SLC4A7: variants seen among roughly 807,000 people sequenced by gnomAD.
SLC4A7 encodes the protein sodium bicarbonate cotransporter 3.
SLC4A7 carries 51 observed loss-of-function variants against 137.6 expected under a neutral mutation model. The observed-to-expected ratio is 0.37, with a 90% CI of 0.30 to 0.47. The LOEUF (loss-of-function observed/expected upper bound fraction) is 0.47, where lower values mean the gene tolerates loss of function less well. Ranked by LOEUF, SLC4A7 falls within the 20% of genes least tolerant of loss-of-function variation. The probability of loss-of-function intolerance (pLI) is 1.00; values close to 1 mark genes in which losing one functional copy is unlikely to be tolerated. For missense variants in SLC4A7, 1,247 were observed against 1,525.4 expected, an observed-to-expected ratio of 0.82 and a Z score of 3.04; for synonymous variants, 542 against 518.6, an observed-to-expected ratio of 1.05 and a Z score of -0.61.
At chr3:27,418,397 T>G in intron 11 of SLC4A7, 89 bp downstream of exon 11, 1 of 1,017,452 alleles carries the variant, frequency 9.8e-7, no homozygotes, top group Non-Finnish European at 1.5e-6. Flanking sequence ...GGGATAAAAC[T>G]TCTCTGTTTT....
intron 16 of SLC4A7, among the ~76,000 whole-genome samples, chr3:27,399,706 T>A (rs1426932428): frequency 1.3e-5 from 2 of 152,164 alleles, no homozygotes; most frequent in African/African-American, 4.8e-5. Context: ...TGCTATGGTG[T>A]GAACCACCAT....
intron 1 of SLC4A7, among the ~76,000 whole-genome samples, chr3:27,473,817 C>T (rs1532322): frequency 0.15 from 23,089 of 149,746 alleles, 1,950 homozygotes; most frequent in South Asian, 0.27. Context: ...TCTAATAATA[C>T]AAATACATAC....
chr3:27,463,448 A>C (rs1233859925), intron 1 of SLC4A7, among the ~76,000 whole-genome samples: 1 of 151,192 alleles, frequency 6.6e-6, no homozygotes, highest in Non-Finnish European at 1.5e-5. Flanking sequence ...AATACAAAAA[A>C]TACAAAAATT....
At chr3:27,452,022 A>AT (rs888264626) in intron 2 of SLC4A7, among the ~76,000 whole-genome samples, 59 of 152,330 alleles carry the variant, frequency 3.9e-4, no homozygotes, top group African/African-American at 1.4e-3. Flanking sequence ...TTATTGCAAC[A>AT]TTTTAAAAGG....
At chr3:27,378,505 A>C (rs1038019872) in intron 25 of SLC4A7, among the ~76,000 whole-genome samples, 4 of 152,218 alleles carry the variant, frequency 2.6e-5, no homozygotes, top group Non-Finnish European at 5.9e-5. Flanking sequence ...AATGATTACC[A>C]AACAGAATCC....
chr3:27,432,034 T>C (rs2056351356), intron 6 of SLC4A7, among the ~76,000 whole-genome samples: 1 of 152,172 alleles, frequency 6.6e-6, no homozygotes, highest in South Asian at 2.1e-4. Flanking sequence ...ACAATTAATA[T>C]AACTCAAACC....
Position 27,451,417 on chromosome 3 carries a change from G to A in SLC4A7, c.142+1000C>T, listed in dbSNP as rs529013572. Among the ~76,000 whole-genome samples the A allele has an allele frequency of 5.3e-5, 8 of 152,054 alleles. No individual in the cohort carries two copies. The South Asian group carries it at 1.7e-3, about 32-fold the overall frequency. On this transcript the variant is annotated intron_variant, in intron 2 of 25. Coordinates refer to ENST00000454389, the MANE Select transcript of SLC4A7 (RefSeq NM_001321103.2). ...TAATAAGTCATGTTGATATCATATT[G>A]TCCACAGATATGGTGCACTGAAAAG...
intron 11 of SLC4A7, among the ~76,000 whole-genome samples, chr3:27,414,548 T>C (rs1016457436): frequency 3.3e-5 from 5 of 152,220 alleles, no homozygotes; most frequent in African/African-American, 9.6e-5. Context: ...CTTTATTTCA[T>C]TTCTCTAAAA....
chr3:27,474,415 A>G, intron 1 of SLC4A7, among the ~76,000 whole-genome samples: 1 of 152,382 alleles, frequency 6.6e-6, no homozygotes, highest in East Asian at 1.9e-4. Flanking sequence ...GATATATCAC[A>G]TTTTAAATAT....
chr3:27,384,071 T>C (rs73149776), intron 23 of SLC4A7, among the ~76,000 whole-genome samples: 21,629 of 152,104 alleles, frequency 0.14, 1,596 homozygotes, highest in African/African-American at 0.2. Flanking sequence ...CGGTGATCGA[T>C]AGGACAGTAG....
At chr3:27,475,188 AT>A (rs1381412353) in intron 1 of SLC4A7, among the ~76,000 whole-genome samples, 3 of 151,630 alleles carry the variant, frequency 2.0e-5, no homozygotes, top group East Asian at 1.9e-4. Flanking sequence ...GACAGTCAAG[AT>A]TTTTTTCTCT....
chr3:27,406,040 C>G (rs2053311515), intron 13 of SLC4A7, among the ~76,000 whole-genome samples: 1 of 152,052 alleles, frequency 6.6e-6, no homozygotes, highest in South Asian at 2.1e-4. Context: ...AAAAGCCAGC[C>G]CATTAATTGG....
At chr3:27,385,060 T>C (rs1406772748) in intron 23 of SLC4A7, among the ~76,000 whole-genome samples, 3 of 152,202 alleles carry the variant, frequency 2.0e-5, no homozygotes, top group Non-Finnish European at 4.4e-5. Context: ...TAGTATCTAG[T>C]TAAAGAATTT....
intron 1 of SLC4A7, among the ~76,000 whole-genome samples, chr3:27,471,029 T>C (rs1415161965): frequency 6.6e-6 from 1 of 152,166 alleles, no homozygotes; most frequent in Non-Finnish European, 1.5e-5. Context: ...ATAACATACC[T>C]CTTCACTTGA....
chr3:27,396,291 A>G (rs2052154199), intron 18 of SLC4A7, among the ~76,000 whole-genome samples: 1 of 152,144 alleles, frequency 6.6e-6, no homozygotes, highest in Admixed American at 6.5e-5. Context: ...TACTCTTAAG[A>G]GTTCCTTGAT....
chr3:27,481,490 C>T (rs993593629), intron 1 of SLC4A7, among the ~76,000 whole-genome samples: 4 of 152,130 alleles, frequency 2.6e-5, no homozygotes, highest in African/African-American at 4.8e-5. Context: ...CAGTCTGCTG[C>T]GAGTTAGAGT....
In SLC4A7 at chr3:27,480,925, C is replaced by T. The variant is rs915974547; in HGVS notation, c.60+3142G>A. ...CTCAGCGAAGGCAGTATGCTGTCTA[C>T]CTTGTTTGACTATATCCCCATTACC... On this transcript the variant is annotated intron_variant, in intron 1 of 25. Coordinates refer to ENST00000454389, the MANE Select transcript of SLC4A7 (RefSeq NM_001321103.2). 2.6e-5 allele frequency among the ~76,000 whole-genome samples: 4 copies of T among 152,150 alleles called. No homozygotes were observed. The South Asian group carries it at 6.2e-4, about 24-fold the overall frequency.
At chr3:27,434,276 A>G (rs534842159) in intron 5 of SLC4A7, among the ~76,000 whole-genome samples, 172 bp from the exon 6 acceptor site, 1 of 152,336 alleles carries the variant, frequency 6.6e-6, no homozygotes, top group East Asian at 1.9e-4. Context: ...AATAAAAATG[A>G]ATTACAAAGA....
chr3:27,467,158 T>C (rs1422686577), intron 1 of SLC4A7, among the ~76,000 whole-genome samples: 1 of 152,158 alleles, frequency 6.6e-6, no homozygotes, highest in Non-Finnish European at 1.5e-5. Context: ...CATGTCCCAC[T>C]TCCAGGGACA....
Sources: gnomAD v4.1 joint callset for allele counts (sites outside exome capture counted in the v4.1 genomes callset) on GRCh38, gnomAD v4.1.1 for gene constraint, MANE v1.5 for transcripts, NCBI Gene and HGNC (gene_info 2026-07-23, HGNC 2026-07-21) for gene names.